The following EXOC4 variants were observed in gnomAD, a reference collection of about 807,000 sequenced individuals.
EXOC4 encodes the protein SEC8-like 1.
In EXOC4, 71 loss-of-function variants were observed where a neutral mutation model predicts 107.2. That is an observed-to-expected ratio of 0.66 (90% confidence interval 0.55 to 0.81). The LOEUF (loss-of-function observed/expected upper bound fraction) is 0.81, where lower values mean the gene tolerates loss of function less well. Among genes scored for constraint, EXOC4 ranks in the 30% least tolerant of loss-of-function variants. The pLI is 0.00. For synonymous variants in EXOC4, 456 were observed against 441.2 expected, an observed-to-expected ratio of 1.03 and a Z score of -0.42; for missense variants, 1,108 against 1,189.6, an observed-to-expected ratio of 0.93 and a Z score of 1.01.
At chr7:133,578,993 CATAA>C (rs1414487534) in intron 9 of EXOC4, among the ~76,000 whole-genome samples, 1 of 152,094 alleles carries the variant, frequency 6.6e-6, no homozygotes, top group African/African-American at 2.4e-5. Context: ...TCTAGAATTA[CATAA>C]ATAATGAATG....
intron 7 of EXOC4, among the ~76,000 whole-genome samples, chr7:133,388,605 G>A (rs1468691626): frequency 6.6e-6 from 1 of 152,134 alleles, no homozygotes; most frequent in Non-Finnish European, 1.5e-5. Context: ...AGCCGAGATT[G>A]TGCCACTGCA....
chr7:133,585,972 C>T (rs1350537966), intron 9 of EXOC4, among the ~76,000 whole-genome samples: 3 of 151,960 alleles, frequency 2.0e-5, no homozygotes, highest in African/African-American at 4.8e-5. Flanking sequence ...TGGGATTACA[C>T]GTGTGAACCA....
At chr7:133,751,428 T>C (rs1329348938) in intron 10 of EXOC4, among the ~76,000 whole-genome samples, 1 of 152,122 alleles carries the variant, frequency 6.6e-6, no homozygotes, top group East Asian at 1.9e-4. Context: ...AGTTTGAAAT[T>C]TCCTTGCTGC....
At chr7:133,902,637 C>T (rs1208225780) in intron 12 of EXOC4, among the ~76,000 whole-genome samples, 1 of 152,046 alleles carries the variant, frequency 6.6e-6, no homozygotes, top group African/African-American at 2.4e-5. Flanking sequence ...GGCAGATCAC[C>T]AGGTCAACAG....
chr7:133,599,903 TTTTTTTTTTTTTG>T (rs1315838001), intron 9 of EXOC4, among the ~76,000 whole-genome samples: 3 of 111,718 alleles, frequency 2.7e-5, no homozygotes, highest in East Asian at 4.5e-4. Flanking sequence ...TTTTTTTTTT[TTTTTTTTTTTTTG>T]GGAGACAGGG....
intron 9 of EXOC4, among the ~76,000 whole-genome samples, chr7:133,489,344 T>C (rs553062057): frequency 1.3e-5 from 2 of 152,284 alleles, no homozygotes; most frequent in African/African-American, 4.8e-5. Flanking sequence ...TGTACAGATA[T>C]AAACAATTTT....
chr7:133,360,231 A>T (rs927286320), intron 6 of EXOC4, among the ~76,000 whole-genome samples: 14 of 152,262 alleles, frequency 9.2e-5, no homozygotes, highest in African/African-American at 3.4e-4. Flanking sequence ...ATTTGAAAGA[A>T]GCTGGAAGGA....
intron 10 of EXOC4, among the ~76,000 whole-genome samples, chr7:133,641,095 C>G (rs1226458918): frequency 6.6e-6 from 1 of 152,072 alleles, no homozygotes; most frequent in African/African-American, 2.4e-5. Flanking sequence ...AGAAGCTTGA[C>G]ATGAGGGATT....
intron 1 of EXOC4, among the ~76,000 whole-genome samples, chr7:133,257,435 TTTTG>T (rs1223381753): frequency 6.6e-6 from 1 of 152,116 alleles, no homozygotes. Context: ...TTTGCCAACC[TTTTG>T]TTTGGTGGGA....
intron 12 of EXOC4, among the ~76,000 whole-genome samples, chr7:133,909,096 A>C (rs191207110): frequency 1.5e-4 from 23 of 152,266 alleles, no homozygotes; most frequent in African/African-American, 5.3e-4. Context: ...TGTGTGGTCC[A>C]GAAAGATATT....
At chr7:133,437,086 G>T (rs967154787) in intron 7 of EXOC4, among the ~76,000 whole-genome samples, 1 of 151,990 alleles carries the variant, frequency 6.6e-6, no homozygotes, top group Non-Finnish European at 1.5e-5. Flanking sequence ...AAAATTTTTT[G>T]ATTTCTTTTT....
intron 7 of EXOC4, among the ~76,000 whole-genome samples, chr7:133,379,130 C>G (rs1471966486): frequency 2.6e-5 from 4 of 152,032 alleles, no homozygotes; most frequent in African/African-American, 7.2e-5. Context: ...CCTGTTTTCT[C>G]TCTGTATATA....
intron 10 of EXOC4, among the ~76,000 whole-genome samples, chr7:133,749,467 A>G (rs772818637): frequency 3.3e-5 from 5 of 151,980 alleles, no homozygotes; most frequent in Non-Finnish European, 7.4e-5. Context: ...ATCTCGGCTC[A>G]TTGCAACCTC....
At chr7:133,431,899 A>G (rs531943813) in intron 7 of EXOC4, among the ~76,000 whole-genome samples, 35 of 152,346 alleles carry the variant, frequency 2.3e-4, no homozygotes, top group African/African-American at 4.3e-4. Context: ...AGTGTGTTCA[A>G]TTACCTCAGT....
intron 10 of EXOC4, among the ~76,000 whole-genome samples, chr7:133,706,268 AT>A (rs913798415): frequency 6.6e-6 from 1 of 152,246 alleles, no homozygotes; most frequent in Non-Finnish European, 1.5e-5. Flanking sequence ...TGTACTAAAA[AT>A]ATCCAGATAA....
At chr7:133,592,890 T>C (rs185167671) in intron 9 of EXOC4, among the ~76,000 whole-genome samples, 1 of 152,060 alleles carries the variant, frequency 6.6e-6, no homozygotes, top group East Asian at 1.9e-4. Flanking sequence ...CATGAGCCAC[T>C]GCGCTTGGCC....
chr7:133,701,985 C>G (rs948392762), intron 10 of EXOC4, among the ~76,000 whole-genome samples: 1 of 36,306 alleles, frequency 2.8e-5, no homozygotes, highest in Non-Finnish European at 6.3e-5. Flanking sequence ...TTTTCCTTTT[C>G]TTTCTTTCTT....
chr7:134,045,850 T>A (rs1795638054), intron 17 of EXOC4, among the ~76,000 whole-genome samples: 1 of 152,162 alleles, frequency 6.6e-6, no homozygotes, highest in Admixed American at 6.5e-5. Flanking sequence ...TCTGGATAGA[T>A]CATAGAAGTG....
At chr7:133,298,247 C>T (rs1430632328) in intron 3 of EXOC4, among the ~76,000 whole-genome samples, 2 of 152,068 alleles carry the variant, frequency 1.3e-5, no homozygotes, top group African/African-American at 4.8e-5. Context: ...TTTAATAGTT[C>T]ACGTTAGTAA....
Sources: allele counts gnomAD v4.1 joint callset (sites outside exome capture counted in the v4.1 genomes callset), GRCh38; gene constraint gnomAD v4.1.1; transcripts MANE v1.5; gene names NCBI Gene and HGNC (gene_info 2026-07-23, HGNC 2026-07-21).